The following APC2 variants were observed in gnomAD, a reference collection of about 807,000 sequenced individuals.
APC2 encodes APC regulator of Wnt signaling pathway 2, also known as adenomatous polyposis coli protein 2.
APC2 carries 41 observed loss-of-function variants against 72.5 expected under a neutral mutation model. The observed-to-expected ratio is 0.57, with a 90% confidence interval of 0.44 to 0.73. The LOEUF is 0.73. APC2 is among the 30% of genes least tolerant of loss of function. The probability of loss-of-function intolerance (pLI) is 0.00; values close to 1 mark genes in which losing one functional copy is unlikely to be tolerated. For synonymous variants in APC2, 1,898 were observed against 1,612.0 expected (o/e 1.18, Z -4.25); for missense variants, 3,729 against 3,403.4 (o/e 1.10, Z -2.38).
At position 1,461,096 on chromosome 19, in the gene APC2, G is replaced by C. The variant is rs377058194; in HGVS notation, c.1581G>C (p.Val527=). 1.2e-6 allele frequency: 2 copies of C among 1,613,422 alleles called. No homozygotes were observed. The highest frequency in any genetic ancestry group is 2.7e-5 in the African/African-American group (2 of 74,946). ...GGGCCGACATCAACAGCAAGAAGGT[G>C]CTGAGGGAGGCGGGCAGCGTGACTG... is the stretch of plus-strand genomic sequence containing the variant. ...SWRADINSKK[V]LREAGSVTAL... The change falls in exon 13 of 15, where the codon GTG becomes GTC. Residue 527 remains valine, a synonymous_variant. Transcript: ENST00000590469.
chr19:1,470,422 A>G lies in APC2; in HGVS notation c.*209A>G, dbSNP rs2084115322. 5 of 730,182 alleles carry G rather than the reference A, an allele frequency of 6.8e-6. No homozygotes were observed. The highest frequency in any genetic ancestry group is 6.7e-5 in the East Asian group (2 of 29,852). The allele number at this position is 730,182 out of a possible 1,614,324, so 45.2% of individuals were successfully genotyped here. A position where few individuals can be genotyped will look rare whatever the true frequency, so the allele number is the denominator to read the frequency against. Reference sequence around the variant, plus strand: ...CTCTGTGCCGCGGAGGTCCAGGAGGAAACGGGGCGGCCGCTAGGCCTCAAG... The same window carrying G: ...CTCTGTGCCGCGGAGGTCCAGGAGGGAACGGGGCGGCCGCTAGGCCTCAAG... On this transcript the variant is annotated 3_prime_UTR_variant, in exon 15 of 15. Coordinates refer to ENST00000590469, the MANE Select transcript of APC2 (RefSeq NM_005883.3).
Position 1,452,965 on chromosome 19 carries a change from T to A in APC2, c.-18-19T>A. 6.2e-7 allele frequency: 1 copy of A among 1,608,862 alleles called. No homozygotes were observed. The highest frequency in any genetic ancestry group is 1.3e-5 in the African/African-American group (1 of 74,918). ...CCTCCCCAGACCATCAGCTGAACCC[T>A]CTGACCCTGTGATCCCAGACGCTGC... On this transcript the variant is annotated intron_variant, in intron 1 of 14. Coordinates refer to ENST00000590469, the MANE Select transcript of APC2 (RefSeq NM_005883.3). The surrounding 1 kb of genome is among the most constrained non-coding windows in gnomAD (Gnocchi z 5.1).
chr19:1,456,612 G>A (rs1358980780), intron 8 of APC2, among the ~76,000 whole-genome samples: 2 of 152,128 alleles, frequency 1.3e-5, no homozygotes, highest in Admixed American at 1.3e-4. Context: ...GGGGCTAAGT[G>A]GGGCACCATA....
At chr19:1,448,838 C>T (rs1213166020), upstream of APC2, among the ~76,000 whole-genome samples, 1 of 137,840 alleles carries the variant, frequency 7.3e-6, no homozygotes, top group African/African-American at 2.8e-5. Context: ...AGCAAGACTC[C>T]GTCTCAAAAA....
In APC2 at chr19:1,465,995, G is replaced by A. The variant is rs559804717; in HGVS notation, c.2694G>A (p.Pro898=). Residue 898 remains proline (P), a synonymous_variant, in exon 15 of 15, where the codon CCG becomes CCA. Transcript: ENST00000590469. The part of the protein sequence containing the change: ...RAQSCSPCRG[P]EGGRREAGSR... ...AGTCCTGCTCGCCATGCCGCGGCCC[G>A]GAGGGCGGGCGGCGAGAGGCAGGAA... The A allele has an allele frequency of 4.0e-6, 6 of 1,512,362 alleles. No homozygotes were observed. The highest frequency in any genetic ancestry group is 2.9e-5 in the African/African-American group (2 of 69,066). 93.7% of individuals were successfully genotyped at this position (1,512,362 alleles called of 1,614,324 possible). A position where few individuals can be genotyped will look rare whatever the true frequency, so the allele number is the denominator to read the frequency against.
At chr19:1,455,733 G>T (rs1388197779) in intron 6 of APC2, among the ~76,000 whole-genome samples, 3 of 152,094 alleles carry the variant, frequency 2.0e-5, no homozygotes, top group Non-Finnish European at 4.4e-5. Context: ...ACAGTGGAAG[G>T]TGGCATGGCC....
chr19:1,456,193 G>A (rs1599136744), intron 7 of APC2, 40 bp downstream of exon 7: 2 of 1,558,032 alleles, frequency 1.3e-6, no homozygotes, highest in Non-Finnish European at 1.7e-6. Context: ...GGGTGGTGTC[G>A]GCCCAGGCAG....
At position 1,467,124 on chromosome 19, in the gene APC2, G is replaced by A; in HGVS notation, c.3823G>A (p.Ala1275Thr). The A allele has an allele frequency of 6.3e-7, 1 of 1,589,708 alleles. No homozygotes were observed. Among genetic ancestry groups the A allele is most frequent in the Non-Finnish European group, 8.6e-7 (1 of 1,167,310 alleles). ...VEKPDENFSC[A>T]SSLSALALHE... ...GAAGCCAGACGAGAACTTCTCGTGCGCCTCCAGCCTCAGCGCGCTGGCCTT... is the reference window on the plus strand; with the variant it reads ...GAAGCCAGACGAGAACTTCTCGTGCACCTCCAGCCTCAGCGCGCTGGCCTT... The change falls in exon 15 of 15, where the codon GCC becomes ACC. Residue 1275 changes from alanine to threonine, a missense_variant. Ala to Thr is a moderately conservative substitution (Grantham distance 58). Transcript: ENST00000590469.
In APC2 at chr19:1,458,008, T is replaced by A. The variant is rs1217558077; in HGVS notation, c.1251T>A (p.Ala417=). ...CGCAGATCTGCCAGGCCACCTGTGC[T>A]GTTATGAAGCTGTCCTTTGATGAGG... ...IEPQICQATC[A]VMKLSFDEEY... The change falls in exon 10 of 15, where the codon GCT becomes GCA. Residue 417 remains alanine, a synonymous_variant. Coordinates refer to ENST00000590469, the MANE Select transcript of APC2 (RefSeq NM_005883.3). 3 of 1,567,316 alleles carry A rather than the reference T, an allele frequency of 1.9e-6. No homozygotes were observed. The highest frequency in any genetic ancestry group is 2.6e-6 in the Non-Finnish European group (3 of 1,154,948).
intron 13 of APC2, chr19:1,461,405 T>C (rs2083920291): frequency 1.8e-6 from 1 of 544,910 alleles, no homozygotes; most frequent in Non-Finnish European, 3.3e-6. Context: ...TCAGACCCCA[T>C]CTCTACTAAA....
upstream of APC2, among the ~76,000 whole-genome samples, chr19:1,447,366 G>A (rs576258830): frequency 1.3e-5 from 2 of 152,342 alleles, no homozygotes; most frequent in African/African-American, 4.8e-5. Flanking sequence ...AGAGTGAGCC[G>A]TGTGCCAGGC....
chr19:1,453,378 G>A, intron 3 of APC2, 41 bp downstream of exon 3: 1 of 1,610,568 alleles, frequency 6.2e-7, no homozygotes, highest in Non-Finnish European at 8.5e-7. Context: ...GGGGGAGGCT[G>A]GGGGGAAAGG....
At position 1,466,217 on chromosome 19, in the gene APC2, C is replaced by T. The variant is rs1248652592; in HGVS notation, c.2916C>T (p.Pro972=). The change falls in exon 15 of 15, where the codon CCC becomes CCT. Residue 972 remains proline, a synonymous_variant. Transcript: ENST00000590469. ...CCAGCCGGCTTGACCTTGACCTGCCCGGCTGCCAGGCCGAGCCCCCGGCCC... is the reference window on the plus strand; with the variant it reads ...CCAGCCGGCTTGACCTTGACCTGCCTGGCTGCCAGGCCGAGCCCCCGGCCC... ...PRPSRLDLDL[P]GCQAEPPARE... 27 of 1,549,998 alleles carry T rather than the reference C, an allele frequency of 1.7e-5. No homozygotes were observed. The East Asian group carries it at 4.0e-4, about 23-fold the overall frequency.
chr19:1,448,478 G>A (rs1225173922), upstream of APC2, among the ~76,000 whole-genome samples: 1 of 151,766 alleles, frequency 6.6e-6, no homozygotes, highest in African/African-American at 2.4e-5. Flanking sequence ...CCCAGGAGGC[G>A]GAGGTTGCGG....
intron 9 of APC2, chr19:1,457,728 A>G: frequency 1.7e-6 from 1 of 583,470 alleles, no homozygotes; most frequent in Non-Finnish European, 3.1e-6. Context: ...GGGCAGAAGC[A>G]CAGCTGAAAG....
At position 1,452,870 on chromosome 19, in the gene APC2, C is replaced by T. The variant is rs899933553; in HGVS notation, c.-18-114C>T. ...CAGTGACTCCTGCCTGAGACCCCCCCCAACCCAGGATCAGGCAGGACGGCT... is the reference window on the plus strand; with the variant it reads ...CAGTGACTCCTGCCTGAGACCCCCCTCAACCCAGGATCAGGCAGGACGGCT... On this transcript the variant is annotated intron_variant, in intron 1 of 14. Coordinates refer to ENST00000590469, the MANE Select transcript of APC2 (RefSeq NM_005883.3). The surrounding 1 kb of genome is among the most constrained non-coding windows in gnomAD (Gnocchi z 5.1). 1 of 1,318,594 alleles carries T rather than the reference C, an allele frequency of 7.6e-7. No individual in the cohort carries two copies. The highest frequency in any genetic ancestry group is 2.7e-4 in the Middle Eastern group (1 of 3,696). The allele number at this position is 1,318,594 out of a possible 1,614,324, so 81.7% of individuals were successfully genotyped here.
At chr19:1,462,491 A>G (rs1338862107) in intron 14 of APC2, among the ~76,000 whole-genome samples, 1 of 150,552 alleles carries the variant, frequency 6.6e-6, no homozygotes, top group Non-Finnish European at 1.5e-5. Flanking sequence ...GCCTGTCCCT[A>G]CTAAAAATAT....
chr19:1,450,615 C>T (rs1029273201), intron 1 of APC2, among the ~76,000 whole-genome samples: 2 of 152,200 alleles, frequency 1.3e-5, no homozygotes, highest in African/African-American at 4.8e-5. Context: ...GGGGGTGTTG[C>T]TGCACCTCTC....
chr19:1,449,497 GAGAAC>G (rs2083717564), upstream of APC2, among the ~76,000 whole-genome samples: 1 of 152,222 alleles, frequency 6.6e-6, no homozygotes, highest in Non-Finnish European at 1.5e-5. Context: ...TTGAGAGACA[GAGAAC>G]AGAGGGGGAG....
Sources: gnomAD v4.1 joint callset for allele counts (sites outside exome capture counted in the v4.1 genomes callset) on GRCh38, gnomAD v4.1.1 for gene constraint, Gnocchi (gnomAD v3.1) non-coding constraint, MANE v1.5 for transcripts, NCBI Gene and HGNC (gene_info 2026-07-23, HGNC 2026-07-21) for gene names.